PDE5A: variants seen among roughly 807,000 people sequenced by gnomAD.
The protein encoded by PDE5A is phosphodiesterase 5A, also known as cGMP-specific 3',5'-cyclic phosphodiesterase.
In PDE5A, 67 loss-of-function variants were observed where a neutral mutation model predicts 110.2. That is an observed-to-expected ratio of 0.61 (90% CI 0.50 to 0.75). PDE5A has a LOEUF of 0.75. PDE5A is among the 30% of genes least tolerant of loss of function. The pLI is 0.00. For synonymous variants in PDE5A, 328 were observed against 351.2 expected (o/e 0.93, Z 0.74); for missense variants, 862 against 1,045.1 (o/e 0.82, Z 2.42).
chr4:119,611,266 T>C (rs879565179), intron 1 of PDE5A, among the ~76,000 whole-genome samples: 3 of 152,210 alleles, frequency 2.0e-5, no homozygotes, highest in Non-Finnish European at 4.4e-5. Flanking sequence ...ATATCATCTA[T>C]CCCCTCTGAC....
At chr4:119,605,902 A>C (rs1476255490) in intron 2 of PDE5A, among the ~76,000 whole-genome samples, 2 of 152,246 alleles carry the variant, frequency 1.3e-5, no homozygotes, top group Non-Finnish European at 1.5e-5. Context: ...CTGAATCTTT[A>C]TAGTGTACCA....
chr4:119,606,633 TGCCCCAGCCATAGTACCC>T (rs1225101900), intron 2 of PDE5A, 58 bp downstream of exon 2: 30 of 927,030 alleles, frequency 3.2e-5, no homozygotes, highest in Non-Finnish European at 4.4e-5. Flanking sequence ...TGCTATCCAA[TGCCCCAGCCATAGTACCC>T]GCCCCAGCCA....
rs78996285 is a variant in PDE5A, at chr4:119,565,314, G to T, written c.993+7C>A. 5.2e-5 allele frequency: 82 copies of T among 1,587,092 alleles called. No homozygotes were observed. The East Asian group carries it at 1.8e-3, about 36-fold the overall frequency. On this transcript the variant is annotated splice_region_variant and intron_variant, in intron 5 of 20. Coordinates refer to ENST00000354960, the MANE Select transcript of PDE5A (RefSeq NM_001083.4). ...TTCTATGCACTTTCTTTAGTAATCA[G>T]ACTGACCTGATTTCTCTTGTTCTCC...
At chr4:119,602,055 C>T (rs1254696749) in intron 2 of PDE5A, among the ~76,000 whole-genome samples, 1 of 152,016 alleles carries the variant, frequency 6.6e-6, no homozygotes, top group Non-Finnish European at 1.5e-5. Context: ...AACTCTAAAG[C>T]TTATTAATAG....
At chr4:119,531,033 C>T (rs915408073) in intron 11 of PDE5A, among the ~76,000 whole-genome samples, 1 of 152,118 alleles carries the variant, frequency 6.6e-6, no homozygotes, top group African/African-American at 2.4e-5. Context: ...TCACTTCCAA[C>T]AACACTGAAA....
intron 11 of PDE5A, among the ~76,000 whole-genome samples, chr4:119,527,773 T>G (rs1334708929): frequency 6.6e-6 from 1 of 152,096 alleles, no homozygotes; most frequent in East Asian, 1.9e-4. Context: ...ATTACGGTTT[T>G]GAAGCCTAAC....
At chr4:119,579,045 T>C (rs1486229827) in intron 3 of PDE5A, among the ~76,000 whole-genome samples, 1 of 151,906 alleles carries the variant, frequency 6.6e-6, no homozygotes, top group Non-Finnish European at 1.5e-5. Flanking sequence ...AACAGACACT[T>C]CTCAAAAGAA....
intron 16 of PDE5A, among the ~76,000 whole-genome samples, chr4:119,506,914 G>C: frequency 1.3e-5 from 2 of 151,900 alleles, no homozygotes; most frequent in Admixed American, 1.3e-4. Flanking sequence ...CTTACAGAGG[G>C]AGAGAGACTC....
intron 7 of PDE5A, among the ~76,000 whole-genome samples, chr4:119,553,990 A>G (rs945727227): frequency 1.3e-5 from 2 of 152,166 alleles, no homozygotes; most frequent in Admixed American, 1.3e-4. Flanking sequence ...GAATGGCCTT[A>G]TTCTCATCGC....
chr4:119,495,657 T>G lies in PDE5A; in HGVS notation c.*2944A>C, dbSNP rs1395082107. ...TTCCAGTATATTTTCATATACTTTC[T>G]TATCTCTAATACTCCTATTAAAGGA... On this transcript the variant is annotated 3_prime_UTR_variant, in exon 21 of 21. Coordinates refer to ENST00000354960, the MANE Select transcript of PDE5A (RefSeq NM_001083.4). The G allele has an allele frequency of 2.0e-5, 3 of 152,608 alleles. No homozygotes were observed. Among genetic ancestry groups the G allele is most frequent in the Admixed American group, 2.0e-4 (3 of 15,268 alleles). The allele number at this position is 152,608 out of a possible 1,614,324, so 9.5% of individuals were successfully genotyped here. A position where few individuals can be genotyped will look rare whatever the true frequency, so the allele number is the denominator to read the frequency against.
intron 1 of PDE5A, among the ~76,000 whole-genome samples, chr4:119,614,959 T>C (rs547489660): frequency 1.3e-5 from 2 of 152,282 alleles, no homozygotes; most frequent in South Asian, 4.1e-4. Flanking sequence ...GTGCTGACTG[T>C]CTTCAGCAGA....
chr4:119,508,815 T>C (rs1381127182), intron 15 of PDE5A, among the ~76,000 whole-genome samples: 1 of 152,026 alleles, frequency 6.6e-6, no homozygotes, highest in African/African-American at 2.4e-5. Flanking sequence ...AAGCTGAGGA[T>C]ATAATTTCTT....
Position 119,496,129 on chromosome 4 carries a change from T to C in PDE5A, c.*2472A>G, listed in dbSNP as rs534997272. 2 of 152,282 alleles carry C rather than the reference T, an allele frequency of 1.3e-5. No individual in the cohort carries two copies. Among genetic ancestry groups the C allele is most frequent in the African/African-American group, 4.8e-5 (2 of 41,562 alleles). The allele number at this position is 152,282 out of a possible 1,614,324, so 9.4% of individuals were successfully genotyped here. ...ATTATATAGATATCTTTTAACAAGT[T>C]AGTAAAATAGTGGGGACTTTTCTGG... On this transcript the variant is annotated 3_prime_UTR_variant, in exon 21 of 21. Transcript: ENST00000354960.
At chr4:119,570,302 T>A (rs1290772761) in intron 3 of PDE5A, among the ~76,000 whole-genome samples, 1 of 152,206 alleles carries the variant, frequency 6.6e-6, no homozygotes, top group Non-Finnish European at 1.5e-5. Flanking sequence ...AATGTCCATT[T>A]TTAATGACAG....
chr4:119,540,153 C>G (rs1417022167), intron 10 of PDE5A, among the ~76,000 whole-genome samples: 2 of 151,844 alleles, frequency 1.3e-5, no homozygotes, highest in East Asian at 3.9e-4. Flanking sequence ...AGAGAGACAA[C>G]ACAGATTTAC....
chr4:119,544,083 C>T (rs1216257896), intron 9 of PDE5A, among the ~76,000 whole-genome samples: 3 of 152,162 alleles, frequency 2.0e-5, no homozygotes, highest in Non-Finnish European at 4.4e-5. Flanking sequence ...CCCATGAAGA[C>T]TATAATAGTC....
intron 16 of PDE5A, among the ~76,000 whole-genome samples, chr4:119,506,688 T>C (rs1725564918): frequency 1.3e-5 from 2 of 151,912 alleles, no homozygotes; most frequent in Admixed American, 6.6e-5. Context: ...TCTTGGTAAT[T>C]TGATAATCCT....
At chr4:119,565,877 A>T (rs905087406) in intron 4 of PDE5A, among the ~76,000 whole-genome samples, 1 of 151,168 alleles carries the variant, frequency 6.6e-6, no homozygotes, top group Non-Finnish European at 1.5e-5. Flanking sequence ...TTTAACATGG[A>T]TCTATCATCC....
At chr4:119,587,805 G>C (rs1285402593) in intron 3 of PDE5A, among the ~76,000 whole-genome samples, 1 of 152,110 alleles carries the variant, frequency 6.6e-6, no homozygotes, top group Non-Finnish European at 1.5e-5. Flanking sequence ...CATCTATTTT[G>C]ACTGAAAATT....
Sources: allele counts gnomAD v4.1 joint callset (sites outside exome capture counted in the v4.1 genomes callset), GRCh38; gene constraint gnomAD v4.1.1; transcripts MANE v1.5; gene names NCBI Gene and HGNC (gene_info 2026-07-23, HGNC 2026-07-21).